The following CEP128 variants were observed in gnomAD, a reference collection of about 807,000 sequenced individuals.
The protein encoded by CEP128 is centrosomal protein 128kDa.
CEP128 carries 132 observed loss-of-function variants against 156.7 expected under a neutral mutation model. The ratio of observed to expected loss-of-function variants is 0.84; its 90% CI spans 0.73 to 0.97. The LOEUF is 0.97. Among genes scored for constraint, CEP128 ranks in the 50% least tolerant of loss-of-function variants. CEP128 has a pLI of 0.00. For synonymous variants in CEP128, 469 were observed against 448.9 expected (o/e 1.04, Z -0.57); for missense variants, 1,252 against 1,281.9 (o/e 0.98, Z 0.36).
intron 13 of CEP128, chr14:80,822,547 G>A (rs1885246339): frequency 7.4e-6 from 5 of 676,056 alleles, no homozygotes; most frequent in South Asian, 2.7e-5. Context: ...AGGCTGAAGG[G>A]GATGCTAAAG....
chr14:80,944,861 A>AAAAAACAG (rs1431911847), upstream of CEP128, among the ~76,000 whole-genome samples: 1 of 84,784 alleles, frequency 1.2e-5, no homozygotes, highest in Non-Finnish European at 2.7e-5. Flanking sequence ...AAAAAAACAG[A>AAAAAACAG]AAAAACAGAA....
intron 17 of CEP128, among the ~76,000 whole-genome samples, chr14:80,758,365 T>C (rs1294664547): frequency 1.3e-5 from 2 of 151,844 alleles, no homozygotes. Flanking sequence ...CTACTAAAAA[T>C]ACAAAAATTA....
intron 19 of CEP128, among the ~76,000 whole-genome samples, chr14:80,581,053 G>T (rs1891571106): frequency 6.6e-6 from 1 of 152,162 alleles, no homozygotes; most frequent in Non-Finnish European, 1.5e-5. Flanking sequence ...GGAAGGGAAG[G>T]TCGTCAACTG....
intron 13 of CEP128, chr14:80,822,425 A>G: frequency 2.2e-6 from 1 of 454,986 alleles, no homozygotes; most frequent in Non-Finnish European, 4.3e-6. Flanking sequence ...ACACTTCAAA[A>G]TGGGAGCAGT....
intron 20 of CEP128, among the ~76,000 whole-genome samples, chr14:80,568,205 G>A (rs1377720916): frequency 1.3e-5 from 2 of 152,090 alleles, no homozygotes; most frequent in African/African-American, 4.8e-5. Context: ...TTTCCCCGAA[G>A]GGCACATATC....
At chr14:80,528,351 C>G (rs1012725213) in intron 22 of CEP128, among the ~76,000 whole-genome samples, 1 of 152,238 alleles carries the variant, frequency 6.6e-6, no homozygotes, top group South Asian at 2.1e-4. Context: ...TGCAATGGCA[C>G]GATCTCAGTG....
intron 19 of CEP128, among the ~76,000 whole-genome samples, chr14:80,691,279 T>C (rs1896710668): frequency 6.6e-6 from 1 of 152,162 alleles, no homozygotes; most frequent in South Asian, 2.1e-4. Context: ...CAAAAACAAA[T>C]GATATTAATC....
chr14:80,877,537 A>G (rs1205347949), intron 8 of CEP128, among the ~76,000 whole-genome samples: 1 of 152,216 alleles, frequency 6.6e-6, no homozygotes, highest in Non-Finnish European at 1.5e-5. Flanking sequence ...ACCACAAGAA[A>G]AGGCACACAC....
At chr14:80,563,629 A>G (rs530436137) in intron 20 of CEP128, among the ~76,000 whole-genome samples, 1 of 136,618 alleles carries the variant, frequency 7.3e-6, no homozygotes, top group Non-Finnish European at 1.5e-5. Flanking sequence ...CACCTCTTGG[A>G]TTTAAGTGAT....
At chr14:80,601,292 T>C (rs1298866291) in intron 19 of CEP128, among the ~76,000 whole-genome samples, 1 of 152,160 alleles carries the variant, frequency 6.6e-6, no homozygotes, top group African/African-American at 2.4e-5. Flanking sequence ...AGAAGTGTGG[T>C]GTTCTGAGAA....
intron 8 of CEP128, among the ~76,000 whole-genome samples, chr14:80,869,271 A>C (rs1887916844): frequency 1.3e-5 from 2 of 152,104 alleles, no homozygotes; most frequent in Non-Finnish European, 2.9e-5. Context: ...GTCCCTTTAG[A>C]TCACAGTGGT....
At chr14:80,856,797 T>C (rs2140138137) in intron 9 of CEP128, among the ~76,000 whole-genome samples, 1 of 141,330 alleles carries the variant, frequency 7.1e-6, no homozygotes, top group African/African-American at 2.6e-5. Flanking sequence ...GTGGTACAAT[T>C]CCAGCTCCCT....
intron 21 of CEP128, among the ~76,000 whole-genome samples, chr14:80,546,244 A>G (rs956703103): frequency 6.6e-6 from 1 of 152,148 alleles, no homozygotes; most frequent in Non-Finnish European, 1.5e-5. Context: ...TGACCTTCTG[A>G]GCAAAACTGT....
At chr14:80,822,610 A>T in intron 13 of CEP128, 1 of 719,164 alleles carries the variant, frequency 1.4e-6, no homozygotes, top group Non-Finnish European at 2.6e-6. Flanking sequence ...TGAGGTTGTC[A>T]GCTAAACCTG....
At chr14:80,855,241 G>A (rs1011958345) in intron 9 of CEP128, among the ~76,000 whole-genome samples, 16 of 152,002 alleles carry the variant, frequency 1.1e-4, no homozygotes, top group African/African-American at 3.6e-4. Context: ...GTTACTCTCT[G>A]CTTACCGAAC....
intron 19 of CEP128, among the ~76,000 whole-genome samples, chr14:80,605,086 T>C (rs1892725702): frequency 6.6e-6 from 1 of 152,086 alleles, no homozygotes; most frequent in Non-Finnish European, 1.5e-5. Flanking sequence ...GTTAGCTAAG[T>C]AGATTTTCAA....
chr14:80,503,363 T>C (rs916447239), intron 24 of CEP128, among the ~76,000 whole-genome samples: 3 of 152,198 alleles, frequency 2.0e-5, no homozygotes, highest in South Asian at 4.1e-4. Context: ...TGACCACAAT[T>C]GGTCATGAAA....
At chr14:80,569,357 T>C (rs1485745997) in intron 20 of CEP128, among the ~76,000 whole-genome samples, 2 of 152,214 alleles carry the variant, frequency 1.3e-5, no homozygotes, top group African/African-American at 4.8e-5. Context: ...TCCTCAACTG[T>C]ATTGCTTTCA....
intron 9 of CEP128, among the ~76,000 whole-genome samples, chr14:80,862,245 C>T (rs1262210274): frequency 6.6e-6 from 1 of 152,158 alleles, no homozygotes; most frequent in African/African-American, 2.4e-5. Flanking sequence ...GCCATTGTGT[C>T]ACACAAGCAC....
Sources: gnomAD v4.1 joint callset for allele counts (sites outside exome capture counted in the v4.1 genomes callset) on GRCh38, gnomAD v4.1.1 for gene constraint, MANE v1.5 for transcripts, NCBI Gene and HGNC (gene_info 2026-07-23, HGNC 2026-07-21) for gene names.